ADAMTS12: variants seen among roughly 807,000 people sequenced by gnomAD.
ADAMTS12 encodes the protein ADAM metallopeptidase with thrombospondin type 1 motif 12.
Under a neutral mutation model 167.8 loss-of-function variants are expected in ADAMTS12, and 118 were observed. That is an observed-to-expected ratio of 0.70 (90% CI 0.61 to 0.82). The LOEUF is 0.82. Among genes scored for constraint, ADAMTS12 ranks in the 40% least tolerant of loss-of-function variants. The pLI, the probability that ADAMTS12 is intolerant of heterozygous loss-of-function variation, is 0.00. For missense variants in ADAMTS12, 1,916 were observed against 1,998.8 expected (o/e 0.96, Z 0.79); for synonymous variants, 704 against 716.9 (o/e 0.98, Z 0.29).
chr5:33,602,773 A>G (rs1374397988), intron 16 of ADAMTS12, among the ~76,000 whole-genome samples: 1 of 152,246 alleles, frequency 6.6e-6, no homozygotes, highest in Non-Finnish European at 1.5e-5. Context: ...ATACTATTGG[A>G]TAAATCCTGT....
chr5:33,755,241 A>G (rs1302265664), intron 2 of ADAMTS12, among the ~76,000 whole-genome samples: 2 of 152,202 alleles, frequency 1.3e-5, no homozygotes, highest in East Asian at 3.8e-4. Context: ...AATAAAAAAG[A>G]TTTTGTTACA....
chr5:33,637,452 C>T, intron 12 of ADAMTS12, 125 bp downstream of exon 12: 1 of 1,014,966 alleles, frequency 9.9e-7, no homozygotes, highest in Non-Finnish European at 1.4e-6. Context: ...TTCTAAATTA[C>T]AAAATTCCTG....
At chr5:33,860,159 G>A (rs1749554943) in intron 2 of ADAMTS12, among the ~76,000 whole-genome samples, 1 of 152,152 alleles carries the variant, frequency 6.6e-6, no homozygotes, top group Non-Finnish European at 1.5e-5. Flanking sequence ...GATGGAGAAC[G>A]ACTTTGATGA....
chr5:33,803,945 A>G (rs1664481753), intron 2 of ADAMTS12, among the ~76,000 whole-genome samples: 1 of 152,190 alleles, frequency 6.6e-6, no homozygotes, highest in Admixed American at 6.5e-5. Flanking sequence ...GAGCCAAACC[A>G]TATCAACAAT....
intron 2 of ADAMTS12, among the ~76,000 whole-genome samples, chr5:33,861,286 T>A (rs1216282377): frequency 1.3e-5 from 2 of 151,802 alleles, no homozygotes; most frequent in East Asian, 3.9e-4. Flanking sequence ...AGAAGACCAA[T>A]CTCACATGCA....
chr5:33,716,151 G>C (rs902767462), intron 3 of ADAMTS12, among the ~76,000 whole-genome samples: 1 of 152,070 alleles, frequency 6.6e-6, no homozygotes, highest in Non-Finnish European at 1.5e-5. Context: ...TCGTAAATGG[G>C]ATTAGTGCCC....
chr5:33,872,545 T>TAAAAA (rs1260532304), intron 2 of ADAMTS12, among the ~76,000 whole-genome samples: 2 of 111,336 alleles, frequency 1.8e-5, no homozygotes, highest in Admixed American at 9.3e-5. Flanking sequence ...AGACTTCATC[T>TAAAAA]GAAAAAAAAA....
chr5:33,639,097 T>C (rs1740333257), intron 11 of ADAMTS12, among the ~76,000 whole-genome samples: 1 of 152,190 alleles, frequency 6.6e-6, no homozygotes, highest in Non-Finnish European at 1.5e-5. Context: ...TTTTTTTTCG[T>C]TTGTAAAATG....
intron 1 of ADAMTS12, among the ~76,000 whole-genome samples, chr5:33,882,887 T>C (rs1750502045): frequency 1.3e-5 from 2 of 152,228 alleles, no homozygotes; most frequent in Admixed American, 1.3e-4. Flanking sequence ...AACTAATATT[T>C]TGAAACAAAC....
At position 33,683,845 on chromosome 5, in the gene ADAMTS12, G is replaced by C; in HGVS notation, c.831+14C>G. On this transcript the variant is annotated intron_variant, in intron 4 of 23. Coordinates refer to ENST00000504830, the MANE Select transcript of ADAMTS12 (RefSeq NM_030955.4). ...GTTCACTAGCTGCCCCAGCCCCCAT[G>C]TAGTCTGGCATACCATGTTCATGAT... 1 of 1,464,620 alleles carries C rather than the reference G, an allele frequency of 6.8e-7. No individual in the cohort carries two copies. Among genetic ancestry groups the C allele is most frequent in the African/African-American group, 1.4e-5 (1 of 70,768 alleles). The allele number at this position is 1,464,620 out of a possible 1,614,324, so 90.7% of individuals were successfully genotyped here.
chr5:33,648,541 C>A (rs1485470376), intron 9 of ADAMTS12, among the ~76,000 whole-genome samples: 1 of 152,170 alleles, frequency 6.6e-6, no homozygotes, highest in East Asian at 1.9e-4. Context: ...GCTATGGAGT[C>A]TGCAGGTGTG....
intron 19 of ADAMTS12, among the ~76,000 whole-genome samples, chr5:33,562,451 C>G (rs1745793410): frequency 6.6e-6 from 1 of 151,900 alleles, no homozygotes; most frequent in Non-Finnish European, 1.5e-5. Flanking sequence ...TTTCTTGCAT[C>G]CCCTCTCCCC....
chr5:33,736,220 G>A (rs1345561102), intron 3 of ADAMTS12, among the ~76,000 whole-genome samples: 1 of 151,918 alleles, frequency 6.6e-6, no homozygotes, highest in East Asian at 1.9e-4. Flanking sequence ...ATACCACCAT[G>A]CCTGGCTAAT....
chr5:33,724,997 G>T (rs1156752668), intron 3 of ADAMTS12, among the ~76,000 whole-genome samples: 1 of 152,010 alleles, frequency 6.6e-6, no homozygotes, highest in Non-Finnish European at 1.5e-5. Context: ...CCCAGCTCAG[G>T]CCCGGAAACC....
At position 33,649,587 on chromosome 5, in the gene ADAMTS12, T is replaced by C. The variant is rs1395628088; in HGVS notation, c.1301A>G (p.Lys434Arg). Residue 434 changes from lysine to arginine, a missense_variant, in exon 8 of 24, where the codon AAG becomes AGG. By Grantham distance (26) the Lys-to-Arg change is conservative. Transcript: ENST00000504830. ...GCGGGTGATGTACTCCTCGCTGCAC[T>C]TGGACCATGTCAGCGGAGTGGGATC... ...QYDPTPLTWS[K>R]CSEEYITRFL... 6.2e-7 allele frequency: 1 copy of C among 1,614,000 alleles called. No individual in the cohort carries two copies. Among genetic ancestry groups the C allele is most frequent in the Admixed American group, 1.7e-5 (1 of 60,026 alleles).
chr5:33,883,352 T>C (rs1164287686), intron 1 of ADAMTS12, among the ~76,000 whole-genome samples: 1 of 146,698 alleles, frequency 6.8e-6, no homozygotes, highest in Admixed American at 6.8e-5. Flanking sequence ...GTTTTTTTTT[T>C]TTCCAGGCAA....
In ADAMTS12 at chr5:33,683,859, C is replaced by A; in HGVS notation, c.831G>T (p.Met277Ile). Residue 277 changes from methionine to isoleucine, a missense_variant and splice_region_variant, in exon 4 of 24, where the codon ATG (methionine) becomes ATT (isoleucine). Physicochemically the swap from Met to Ile is conservative, Grantham distance 10 (BLOSUM62 1). Transcript: ENST00000504830. ...VESYILTIMN[M>I]VTGLFHNPSI... Reference sequence around the variant, plus strand: ...CCAGCCCCCATGTAGTCTGGCATACCATGTTCATGATGGTGAGGATGTAGG... The same window carrying A: ...CCAGCCCCCATGTAGTCTGGCATACAATGTTCATGATGGTGAGGATGTAGG... The A allele has an allele frequency of 1.3e-6, 2 of 1,523,626 alleles. No individual in the cohort carries two copies. Among genetic ancestry groups the A allele is most frequent in the Non-Finnish European group, 8.8e-7 (1 of 1,131,104 alleles). 94.4% of individuals were successfully genotyped at this position (1,523,626 alleles called of 1,614,324 possible).
At chr5:33,630,631 G>A (rs1375213696) in intron 13 of ADAMTS12, 149 bp downstream of exon 13, 5 of 781,668 alleles carry the variant, frequency 6.4e-6, no homozygotes, top group Admixed American at 6.1e-5. Flanking sequence ...TGAACACTGG[G>A]AAGTCTTATC....
chr5:33,717,123 T>G (rs192579047), intron 3 of ADAMTS12, among the ~76,000 whole-genome samples: 2 of 152,094 alleles, frequency 1.3e-5, no homozygotes, highest in East Asian at 1.9e-4. Context: ...TTGTAGGTTT[T>G]TTTTTTTTTT....
Sources: gnomAD v4.1 joint callset for allele counts (sites outside exome capture counted in the v4.1 genomes callset) on GRCh38, gnomAD v4.1.1 for gene constraint, MANE v1.5 for transcripts, NCBI Gene and HGNC (gene_info 2026-07-23, HGNC 2026-07-21) for gene names.